The following CLVS1 variants were observed in gnomAD, a reference collection of about 807,000 sequenced individuals.
CLVS1 encodes clavesin-1.
CLVS1 carries 10 observed loss-of-function variants against 33.1 expected under a neutral mutation model. The observed-to-expected ratio is 0.30, with a 90% CI of 0.19 to 0.51. The LOEUF is 0.51. Ranked by LOEUF, CLVS1 falls within the 20% of genes least tolerant of loss-of-function variation. The pLI is 0.97. For synonymous variants in CLVS1, 163 were observed against 166.1 expected (o/e 0.98, Z 0.14); for missense variants, 343 against 433.4 (o/e 0.79, Z 1.85).
intron 2 of CLVS1, among the ~76,000 whole-genome samples, chr8:61,280,212 T>C (rs970339380): frequency 5.9e-5 from 9 of 152,232 alleles, no homozygotes; most frequent in African/African-American, 2.2e-4. Flanking sequence ...ATCAGGCTAC[T>C]GATATTTGGT....
At chr8:61,267,935 C>A (rs1435025667) in intron 2 of CLVS1, among the ~76,000 whole-genome samples, 2 of 152,164 alleles carry the variant, frequency 1.3e-5, no homozygotes, top group Non-Finnish European at 2.9e-5. Context: ...TTAATTAACT[C>A]TTTATTGATG....
the CLVS1 span, among the ~76,000 whole-genome samples, chr8:61,004,922 T>C: frequency 0.076 from 11,449 of 150,940 alleles, 1,035 homozygotes; most frequent in African/African-American, 0.22. Flanking sequence ...AAGGTGTTTT[T>C]TGTTTGTTTG....
At chr8:60,967,785 T>C in the CLVS1 span, 2 of 442,604 alleles carry the variant, frequency 4.5e-6, no homozygotes, top group Non-Finnish European at 9.1e-6. Flanking sequence ...TTTTTCCTCT[T>C]ATGAGTACTC....
At chr8:61,259,455 G>A (rs1328890130) in intron 2 of CLVS1, among the ~76,000 whole-genome samples, 3 of 152,190 alleles carry the variant, frequency 2.0e-5, no homozygotes, top group Non-Finnish European at 4.4e-5. Context: ...TGCTATTTAG[G>A]CAGGAATCAC....
Position 61,170,526 on chromosome 8 carries a change from T to C in CLVS1, c.-152+38666T>C, listed in dbSNP as rs150242963. On this transcript the variant is annotated intron_variant, in intron 2 of 2. Transcript: ENST00000522621. Reference sequence around the variant, plus strand: ...AAATCACTGTGAAGAATTCCTTATATGGTGCCATATTTGAGGCAACGTGGC... The same window carrying C: ...AAATCACTGTGAAGAATTCCTTATACGGTGCCATATTTGAGGCAACGTGGC... Among the ~76,000 whole-genome samples the C allele has an allele frequency of 1.1e-4, 16 of 152,332 alleles. No individual in the cohort carries two copies. The East Asian group carries it at 2.9e-3, about 28-fold the overall frequency.
At position 61,210,107 on chromosome 8, in the gene CLVS1, T is replaced by C. The variant is rs369032239; in HGVS notation, c.-152+78247T>C. The stretch of plus-strand genomic sequence containing the variant: ...CACTCAAAGTGAGACACTCCTGTTA[T>C]GTTTGAATGTATGTGTCACTCTAAA... On this transcript the variant is annotated intron_variant, in intron 2 of 2. Transcript: ENST00000522621. 2.6e-5 allele frequency among the ~76,000 whole-genome samples: 4 copies of C among 152,346 alleles called. No homozygotes were observed. The East Asian group carries it at 5.8e-4, about 22-fold the overall frequency.
At chr8:61,404,627 A>T (rs1305140171) in intron 3 of CLVS1, among the ~76,000 whole-genome samples, 4 of 152,238 alleles carry the variant, frequency 2.6e-5, no homozygotes, top group Admixed American at 2.6e-4. Context: ...AGGAGGAAAC[A>T]TTGGAACTCG....
chr8:61,151,985 T>TG (rs1469664329), intron 2 of CLVS1, among the ~76,000 whole-genome samples: 10 of 152,148 alleles, frequency 6.6e-5, no homozygotes, highest in Non-Finnish European at 1.5e-4. Context: ...GGGCATGCCA[T>TG]GGAGGAGGAT....
intron 2 of CLVS1, among the ~76,000 whole-genome samples, chr8:61,206,302 A>G (rs1054898694): frequency 6.6e-6 from 1 of 152,190 alleles, no homozygotes; most frequent in African/African-American, 2.4e-5. Flanking sequence ...CATTAATCCA[A>G]TGAGTATATA....
At chr8:61,328,454 G>T (rs1269170134) in intron 2 of CLVS1, among the ~76,000 whole-genome samples, 1 of 152,104 alleles carries the variant, frequency 6.6e-6, no homozygotes, top group Non-Finnish European at 1.5e-5. Flanking sequence ...GCTACAGCTT[G>T]GTCAAGGTGG....
At position 61,202,569 on chromosome 8, in the gene CLVS1, A is replaced by T. The variant is rs1431179662; in HGVS notation, c.-152+70709A>T. 6 of 1,246,076 alleles carry T rather than the reference A, an allele frequency of 4.8e-6. No individual in the cohort carries two copies. In the African/African-American group the frequency reaches 8.8e-5, roughly 18 times the overall value. The allele number at this position is 1,246,076 out of a possible 1,614,324, so 77.2% of individuals were successfully genotyped here. ...TGAATTACGAAGGCAGCCCAATTAA[A>T]GTAACACTGGCAACTTTGAAAATGT... On this transcript the variant is annotated intron_variant, in intron 2 of 2. Transcript: ENST00000522621.
At chr8:61,223,065 G>A (rs1442627287) in intron 2 of CLVS1, among the ~76,000 whole-genome samples, 1 of 150,634 alleles carries the variant, frequency 6.6e-6, no homozygotes, top group African/African-American at 2.4e-5. Context: ...TTGAGCCTGT[G>A]TGTGTCTTTG....
chr8:61,018,293 C>T, the CLVS1 span, among the ~76,000 whole-genome samples: 2 of 152,074 alleles, frequency 1.3e-5, no homozygotes, highest in Admixed American at 6.5e-5. Context: ...TCCTTACTGT[C>T]GCTTATAATT....
intron 2 of CLVS1, among the ~76,000 whole-genome samples, chr8:61,279,756 C>T (rs1281843509): frequency 6.6e-6 from 1 of 152,148 alleles, no homozygotes; most frequent in African/African-American, 2.4e-5. Context: ...TTTATGAATA[C>T]AACTATATAA....
At chr8:61,454,535 C>A (rs1425920815) in intron 4 of CLVS1, among the ~76,000 whole-genome samples, 1 of 152,136 alleles carries the variant, frequency 6.6e-6, no homozygotes, top group Non-Finnish European at 1.5e-5. Flanking sequence ...ACTGTAAATT[C>A]TTATGGGAGA....
chr8:61,339,959 TGAGA>T (rs1811962275), intron 2 of CLVS1, among the ~76,000 whole-genome samples: 1 of 95,592 alleles, frequency 1.0e-5, no homozygotes, highest in African/African-American at 4.1e-5. Context: ...GTAAAGGGAG[TGAGA>T]GAAAGAAAGA....
chr8:61,004,474 G>A, the CLVS1 span, among the ~76,000 whole-genome samples: 1 of 152,222 alleles, frequency 6.6e-6, no homozygotes, highest in Non-Finnish European at 1.5e-5. Flanking sequence ...GGCCAGCCCT[G>A]ACTGAAGGCT....
chr8:60,982,237 T>TTATG, the CLVS1 span, among the ~76,000 whole-genome samples: 1 of 152,228 alleles, frequency 6.6e-6, no homozygotes, highest in African/African-American at 2.4e-5. Flanking sequence ...TGATTGAACA[T>TTATG]TATGTTGAAA....
chr8:61,168,341 T>C (rs1485054235), intron 2 of CLVS1, among the ~76,000 whole-genome samples: 1 of 152,238 alleles, frequency 6.6e-6, no homozygotes, highest in Non-Finnish European at 1.5e-5. Context: ...TAACATTCTT[T>C]ATTAAAAATT....
Sources: allele counts gnomAD v4.1 joint callset (sites outside exome capture counted in the v4.1 genomes callset), GRCh38; gene constraint gnomAD v4.1.1; transcripts MANE v1.5; gene names NCBI Gene and HGNC (gene_info 2026-07-23, HGNC 2026-07-21).